PHC2: variants seen among roughly 807,000 people sequenced by gnomAD.
PHC2 encodes the protein polyhomeotic-like protein 2.
Under a neutral mutation model 87.4 loss-of-function variants are expected in PHC2, and 29 were observed. The ratio of observed to expected loss-of-function variants is 0.33; its 90% CI spans 0.25 to 0.45. The LOEUF (loss-of-function observed/expected upper bound fraction) is 0.45. Among genes scored for constraint, PHC2 ranks in the 20% least tolerant of loss-of-function variants. PHC2 has a pLI of 1.00. For missense variants in PHC2, 857 were observed against 1,136.7 expected, an observed-to-expected ratio of 0.75 and a Z score of 3.54; for synonymous variants, 438 against 461.7, an observed-to-expected ratio of 0.95 and a Z score of 0.66.
At chr1:33,360,353 T>A (rs1202949965) in intron 7 of PHC2, among the ~76,000 whole-genome samples, 1 of 152,268 alleles carries the variant, frequency 6.6e-6, no homozygotes, top group East Asian at 1.9e-4. Flanking sequence ...GTTATCTGCA[T>A]CTCTGCCCCT....
Position 33,324,686 on chromosome 1 carries a change from A to G in PHC2, c.*179T>C. 1.9e-6 allele frequency: 1 copy of G among 539,008 alleles called. No individual in the cohort carries two copies. Among genetic ancestry groups the G allele is most frequent in the East Asian group, 3.1e-5 (1 of 32,608 alleles). 33.4% of individuals were successfully genotyped at this position (539,008 alleles called of 1,614,324 possible). A position where few individuals can be genotyped will look rare whatever the true frequency, so the allele number is the denominator to read the frequency against. On this transcript the variant is annotated 3_prime_UTR_variant, in exon 15 of 15. Transcript: ENST00000683057. ...CCACCTACCTCTCTGCCCCTCCCAC[A>G]GAAATGAAAGGCCCCTGAGAGCCAT...
chr1:33,406,688 T>A (rs1049526639), intron 1 of PHC2, among the ~76,000 whole-genome samples: 2 of 152,252 alleles, frequency 1.3e-5, no homozygotes, highest in African/African-American at 4.8e-5. Flanking sequence ...CTGTTTTTGT[T>A]TGCCTCAAAA....
At chr1:33,419,456 T>C (rs1187454162) in intron 1 of PHC2, among the ~76,000 whole-genome samples, 1 of 152,216 alleles carries the variant, frequency 6.6e-6, no homozygotes, top group Admixed American at 6.5e-5. Flanking sequence ...CGGAAGAATC[T>C]ATCCACTCTT....
chr1:33,379,790 T>C (rs999237575), intron 1 of PHC2, among the ~76,000 whole-genome samples: 2 of 151,658 alleles, frequency 1.3e-5, no homozygotes, highest in Non-Finnish European at 2.9e-5. Context: ...GTAGCTCCGT[T>C]TCCCTCTAAT....
At chr1:33,429,382 T>G (rs78146913) in intron 1 of PHC2, among the ~76,000 whole-genome samples, 4 of 152,308 alleles carry the variant, frequency 2.6e-5, no homozygotes, top group South Asian at 4.1e-4. Context: ...ATAGTTACAA[T>G]AGAAAGCCAT....
At chr1:33,329,796 G>A (rs1570440982) in intron 13 of PHC2, among the ~76,000 whole-genome samples, 1 of 152,168 alleles carries the variant, frequency 6.6e-6, no homozygotes, top group East Asian at 1.9e-4. Flanking sequence ...CCCCATTTCC[G>A]TGGCCCCAGA....
At position 33,371,002 on chromosome 1, in the gene PHC2, C is replaced by T. The variant is rs1221743124; in HGVS notation, c.411+15G>A. On this transcript the variant is annotated intron_variant, in intron 4 of 14. Transcript: ENST00000683057. ...GGGGCTGTGGACTCTGCTGCTGCTC[C>T]CCCATTCTACTCACCGAAGATGACT... 6.2e-7 allele frequency: 1 copy of T among 1,609,794 alleles called. No homozygotes were observed. Among genetic ancestry groups the T allele is most frequent in the South Asian group, 1.1e-5 (1 of 90,974 alleles).
At position 33,331,385 on chromosome 1, in the gene PHC2, G is replaced by A. The variant is rs1207612057; in HGVS notation, c.1969C>T (p.Arg657Cys). Residue 657 changes from arginine (R) to cysteine (C), a missense_variant, in exon 12 of 15, where the codon CGT (arginine) becomes TGT (cysteine). Arg to Cys is a radical substitution (Grantham distance 180). Around this residue, in one of 3 missense-constraint regions of PHC2, gnomAD observed 832 missense variants for 1,081.8 expected, o/e 0.77. Transcript: ENST00000683057. This position sits in a 1 kb window ranked among gnomAD's most constrained non-coding sequence, Gnocchi z 5.2. ...GCCATGGAACAGAAGCGCTTGGAAC[G>A]CTTGAACTTATAGGCAAAGTCCACC... is the stretch of plus-strand genomic sequence containing the variant. ...GRVDFAYKFKRSKRFCSMACA... is the reference protein window; with the variant it reads ...GRVDFAYKFKCSKRFCSMACA... The A allele has an allele frequency of 6.2e-7, 1 of 1,612,084 alleles. No individual in the cohort carries two copies. Among genetic ancestry groups the A allele is most frequent in the Non-Finnish European group, 8.5e-7 (1 of 1,178,356 alleles).
chr1:33,402,245 C>T (rs1453086543), intron 1 of PHC2, among the ~76,000 whole-genome samples: 3 of 152,068 alleles, frequency 2.0e-5, no homozygotes, highest in Admixed American at 6.5e-5. Context: ...GATAAAATTT[C>T]ATACTCATGA....
At chr1:33,423,452 C>A (rs959507343) in intron 1 of PHC2, among the ~76,000 whole-genome samples, 1 of 152,114 alleles carries the variant, frequency 6.6e-6, no homozygotes, top group African/African-American at 2.4e-5. Flanking sequence ...ATCAAGGAGA[C>A]GGATGTGTCC....
chr1:33,427,963 C>T (rs548803094), intron 1 of PHC2, among the ~76,000 whole-genome samples: 1 of 152,330 alleles, frequency 6.6e-6, no homozygotes, highest in South Asian at 2.1e-4. Flanking sequence ...TATGCTGTTA[C>T]CAGCAGTGAA....
intron 4 of PHC2, 78 bp from the exon 5 acceptor site, chr1:33,370,663 C>T: frequency 1.4e-6 from 2 of 1,390,522 alleles, no homozygotes; most frequent in Non-Finnish European, 9.9e-7. Context: ...TTTCTTTCTC[C>T]CCCCTCTTTT....
At chr1:33,395,307 G>A (rs1557844162) in intron 1 of PHC2, among the ~76,000 whole-genome samples, 1 of 152,136 alleles carries the variant, frequency 6.6e-6, no homozygotes, top group Non-Finnish European at 1.5e-5. Context: ...GGTGGGGAAT[G>A]GCTGGGAAGG....
chr1:33,365,566 A>C (rs193158579), intron 7 of PHC2, among the ~76,000 whole-genome samples: 1 of 152,104 alleles, frequency 6.6e-6, no homozygotes, highest in East Asian at 1.9e-4. Flanking sequence ...CAACGCATTG[A>C]AAGAGCCCCC....
At chr1:33,403,977 CTT>C (rs1649649785) in intron 1 of PHC2, among the ~76,000 whole-genome samples, 2 of 152,154 alleles carry the variant, frequency 1.3e-5, no homozygotes, top group Admixed American at 1.3e-4. Context: ...ATATGCTGTT[CTT>C]TCTCTCTAGA....
Position 33,424,765 on chromosome 1 carries a change from G to A in PHC2, c.-55+6211C>T, listed in dbSNP as rs186883691. 2.6e-5 allele frequency among the ~76,000 whole-genome samples: 4 copies of A among 152,226 alleles called. 1 individual carries two copies. The highest frequency in any genetic ancestry group is 4.2e-4 in the South Asian group (2 of 4,816). The stretch of plus-strand genomic sequence containing the variant: ...TCTGGCCTATATTATTAGTTAGGAC[G>A]ATCAAGAAACAAAGAGATACTTTAG... On this transcript the variant is annotated intron_variant, in intron 1 of 14. Coordinates refer to ENST00000683057, the MANE Select transcript of PHC2 (RefSeq NM_001385109.1).
At chr1:33,341,223 T>C (rs1356565002) in intron 9 of PHC2, among the ~76,000 whole-genome samples, 1 of 152,220 alleles carries the variant, frequency 6.6e-6, no homozygotes, top group Non-Finnish European at 1.5e-5. Context: ...CACAACACAC[T>C]GGACTAGGCT....
Position 33,370,523 on chromosome 1 carries a change from A to G in PHC2, c.474T>C (p.Ser158=). ...GCTGAGCGATGCCTGAGGCTGCTGC[A>G]GAGTTCACACTCTGGGCCCGGTTGA... is the stretch of plus-strand genomic sequence containing the variant. ...QLLNRAQSVN[S]AAASGIAQQA... The change falls in exon 5 of 15, where the codon TCT becomes TCC. Residue 158 remains serine, a synonymous_variant. Transcript: ENST00000683057. The G allele has an allele frequency of 6.2e-7, 1 of 1,614,128 alleles. No individual in the cohort carries two copies. Among genetic ancestry groups the G allele is most frequent in the Non-Finnish European group, 8.5e-7 (1 of 1,179,980 alleles).
rs769686110 is a variant in PHC2, at chr1:33,354,909, G to T, written c.1321C>A (p.Pro441Thr). 1.1e-5 allele frequency: 18 copies of T among 1,614,048 alleles called. No homozygotes were observed. The South Asian group carries it at 1.5e-4, about 14-fold the overall frequency. ...GPQNGHPEGV[P>T]HTPQRRFQHT... Reference sequence around the variant, plus strand: ...TGGAACCTGCGTTGAGGGGTGTGGGGCACGCCCTCGGGATGTCCATTCTGA... The same window carrying T: ...TGGAACCTGCGTTGAGGGGTGTGGGTCACGCCCTCGGGATGTCCATTCTGA... The change falls in exon 8 of 15, where the codon CCC becomes ACC. Residue 441 changes from proline (P) to threonine (T), a missense_variant. Physicochemically the swap from Pro to Thr is conservative, Grantham distance 38. Coordinates refer to ENST00000683057, the MANE Select transcript of PHC2 (RefSeq NM_001385109.1).
Sources: allele counts gnomAD v4.1 joint callset (sites outside exome capture counted in the v4.1 genomes callset), GRCh38; gene constraint gnomAD v4.1.1; regional missense constraint gnomAD v4.1.1; non-coding constraint Gnocchi (gnomAD v3.1); transcripts MANE v1.5; gene names NCBI Gene and HGNC (gene_info 2026-07-23, HGNC 2026-07-21).